The following MORC1 variants were observed in gnomAD, a reference collection of about 807,000 sequenced individuals.
MORC1 encodes MORC family CW-type zinc finger protein 1.
Under a neutral mutation model 134.9 loss-of-function variants are expected in MORC1, and 59 were observed. The ratio of observed to expected loss-of-function variants is 0.44; its 90% CI spans 0.35 to 0.54. MORC1 has a LOEUF of 0.54. Ranked by LOEUF, MORC1 falls within the 20% of genes least tolerant of loss-of-function variation. The probability of loss-of-function intolerance (pLI) is 0.00; values close to 1 mark genes in which losing one functional copy is unlikely to be tolerated. For synonymous variants in MORC1, 395 were observed against 391.7 expected (o/e 1.01, Z -0.10); for missense variants, 947 against 1,134.5 (o/e 0.83, Z 2.37).
At chr3:108,991,771 C>G (rs1468056851) in intron 21 of MORC1, among the ~76,000 whole-genome samples, 1 of 152,208 alleles carries the variant, frequency 6.6e-6, no homozygotes, top group Non-Finnish European at 1.5e-5. Flanking sequence ...CCAGTCCTAT[C>G]TTTGACCACT....
chr3:108,983,409 A>T (rs1448236723), intron 23 of MORC1, among the ~76,000 whole-genome samples: 1 of 152,202 alleles, frequency 6.6e-6, no homozygotes, highest in Non-Finnish European at 1.5e-5. Context: ...GTGGTAAAGG[A>T]GATACTTTAA....
chr3:108,985,338 C>T (rs1428746953), intron 22 of MORC1, among the ~76,000 whole-genome samples: 19 of 152,208 alleles, frequency 1.2e-4, no homozygotes, highest in Non-Finnish European at 1.5e-5. Context: ...CTATGATCCA[C>T]TTGGATTGTT....
intron 17 of MORC1, among the ~76,000 whole-genome samples, chr3:109,015,959 A>T (rs961261462): frequency 3.9e-5 from 6 of 152,190 alleles, no homozygotes; most frequent in Non-Finnish European, 8.8e-5. Flanking sequence ...GAATATTTGC[A>T]TATATATAAT....
intron 4 of MORC1, 50 bp from the exon 5 acceptor site, chr3:109,100,557 G>A: frequency 7.2e-7 from 1 of 1,380,594 alleles, no homozygotes; most frequent in Non-Finnish European, 1.0e-6. Context: ...CTTTGACACT[G>A]GCCTGAGGCC....
At chr3:109,081,507 G>A (rs1276044755) in intron 8 of MORC1, among the ~76,000 whole-genome samples, 1 of 149,394 alleles carries the variant, frequency 6.7e-6, no homozygotes, top group Non-Finnish European at 1.5e-5. Context: ...CCAAGCTGGA[G>A]TGCAGTGGCA....
chr3:109,005,292 G>A lies in MORC1; in HGVS notation c.1791C>T (p.Ile597=). 1 of 1,593,842 alleles carries A rather than the reference G, an allele frequency of 6.3e-7. No homozygotes were observed. The highest frequency in any genetic ancestry group is 8.5e-7 in the Non-Finnish European group (1 of 1,174,824). ...GCTTCAAGTCATCGCCCAAAAGCCT[G>A]ATTTTCTGGGTTTTGGTATTTTCCT... The part of the protein sequence containing the change: ...AHKENTKTQK[I]RLLGDDLKHE... Residue 597 remains isoleucine, a synonymous_variant, in exon 19 of 28, where the codon ATC becomes ATT. Transcript: ENST00000232603.
Position 108,958,874 on chromosome 3 carries a change from T to C in MORC1, c.*91A>G, listed in dbSNP as rs1478556029. On this transcript the variant is annotated 3_prime_UTR_variant, in exon 28 of 28. Coordinates refer to ENST00000232603, the MANE Select transcript of MORC1 (RefSeq NM_014429.4). ...TTTCTTATTGTTAAACAGAATAGAC[T>C]TTACAGTAACAACAACAAAAAAGAA... 4.7e-6 allele frequency: 4 copies of C among 842,246 alleles called. No individual in the cohort carries two copies. Among genetic ancestry groups the C allele is most frequent in the Non-Finnish European group, 7.0e-6 (4 of 573,290 alleles). The allele number at this position is 842,246 out of a possible 1,614,324, so 52.2% of individuals were successfully genotyped here.
chr3:109,003,066 C>CA (rs1204605259), intron 20 of MORC1, among the ~76,000 whole-genome samples: 1 of 151,992 alleles, frequency 6.6e-6, no homozygotes, highest in Non-Finnish European at 1.5e-5. Context: ...CTATCAGAGT[C>CA]AAAAACCCTT....
At chr3:108,996,677 T>C (rs7649329) in intron 21 of MORC1, among the ~76,000 whole-genome samples, 63,912 of 151,882 alleles carry the variant, frequency 0.42, 14,119 homozygotes, top group Middle Eastern at 0.55. Flanking sequence ...AAATGAATGG[T>C]TCACACTGGC....
intron 8 of MORC1, among the ~76,000 whole-genome samples, chr3:109,091,633 C>G (rs1950730750): frequency 6.6e-6 from 1 of 152,070 alleles, no homozygotes. Context: ...ACTATCCCTT[C>G]TTGGCACCAT....
At chr3:109,006,634 T>A (rs1304590906) in intron 18 of MORC1, among the ~76,000 whole-genome samples, 2 of 152,026 alleles carry the variant, frequency 1.3e-5, no homozygotes, top group Non-Finnish European at 2.9e-5. Context: ...AGAACAGACA[T>A]TTGAGGAATA....
At chr3:109,047,564 C>A (rs1354811879) in intron 14 of MORC1, among the ~76,000 whole-genome samples, 1 of 151,560 alleles carries the variant, frequency 6.6e-6, no homozygotes, top group African/African-American at 2.4e-5. Context: ...TTTTTTCCAA[C>A]AGTCAATTTG....
intron 24 of MORC1, among the ~76,000 whole-genome samples, chr3:108,972,824 G>A (rs1346241759): frequency 6.6e-6 from 1 of 152,172 alleles, no homozygotes; most frequent in East Asian, 1.9e-4. Flanking sequence ...TCCATTGTGA[G>A]TATAAATTCT....
intron 21 of MORC1, among the ~76,000 whole-genome samples, chr3:108,992,536 C>A (rs1432280099): frequency 1.3e-5 from 2 of 152,142 alleles, no homozygotes; most frequent in Non-Finnish European, 2.9e-5. Flanking sequence ...TGGATTCTTA[C>A]TTGATCCTTC....
At chr3:109,081,604 G>A (rs906522034) in intron 8 of MORC1, among the ~76,000 whole-genome samples, 2 of 151,972 alleles carry the variant, frequency 1.3e-5, no homozygotes, top group Non-Finnish European at 2.9e-5. Flanking sequence ...ACAGGCATGT[G>A]CCACCACACC....
chr3:109,025,447 C>T (rs1270866164), intron 17 of MORC1, among the ~76,000 whole-genome samples: 10 of 132,734 alleles, frequency 7.5e-5, no homozygotes, highest in African/African-American at 1.5e-4. Flanking sequence ...AATGCAGTGG[C>T]GTGGGCTCAC....
intron 26 of MORC1, among the ~76,000 whole-genome samples, chr3:108,967,493 C>A (rs1366467677): frequency 1.3e-5 from 2 of 152,122 alleles, no homozygotes; most frequent in African/African-American, 4.8e-5. Flanking sequence ...GGCCAATACG[C>A]CAACCCATCT....
In MORC1 at chr3:109,062,100, T is replaced by G. The variant is rs781437243; in HGVS notation, c.896-42A>C. Reference sequence around the variant, plus strand: ...AATAGTTATAACACAGCAAAATTATTTCAAGCAATTTTAAGTGAGTATTTT... The same window carrying G: ...AATAGTTATAACACAGCAAAATTATGTCAAGCAATTTTAAGTGAGTATTTT... On this transcript the variant is annotated intron_variant, in intron 10 of 27. Transcript: ENST00000232603. 3.2e-6 allele frequency: 5 copies of G among 1,572,580 alleles called. No homozygotes were observed. In the South Asian group the frequency reaches 5.5e-5, roughly 17 times the overall value.
At chr3:109,109,577 T>C (rs766766074) in intron 3 of MORC1, among the ~76,000 whole-genome samples, 1 of 152,228 alleles carries the variant, frequency 6.6e-6, no homozygotes, top group South Asian at 2.1e-4. Context: ...GTCTCTCCTA[T>C]GCAAGAGTGT....
Sources: gnomAD v4.1 joint callset for allele counts (sites outside exome capture counted in the v4.1 genomes callset) on GRCh38, gnomAD v4.1.1 for gene constraint, MANE v1.5 for transcripts, NCBI Gene and HGNC (gene_info 2026-07-23, HGNC 2026-07-21) for gene names.